The following CCDC141 variants were observed in gnomAD, a reference collection of about 807,000 sequenced individuals.
CCDC141 encodes coiled-coil domain-containing protein 141.
A neutral mutation model predicts 181.0 loss-of-function variants in CCDC141; 168 were observed. The observed-to-expected ratio is 0.93, with a 90% CI of 0.82 to 1.05. CCDC141 has a LOEUF of 1.05. Among genes scored for constraint, CCDC141 ranks in the 50% least tolerant of loss-of-function variants. The pLI is 0.00. For missense variants in CCDC141, 1,902 were observed against 1,788.5 expected, an observed-to-expected ratio of 1.06 and a Z score of -1.14; for synonymous variants, 666 against 642.3, an observed-to-expected ratio of 1.04 and a Z score of -0.56.
downstream of CCDC141, among the ~76,000 whole-genome samples, chr2:178,827,825 A>T (rs1404627954): frequency 6.6e-6 from 1 of 152,210 alleles, no homozygotes; most frequent in Non-Finnish European, 1.5e-5. Flanking sequence ...GGTGGCTTAA[A>T]ACAACAGAAA....
At chr2:179,041,566 C>T (rs1231543394) in intron 2 of CCDC141, among the ~76,000 whole-genome samples, 1 of 115,230 alleles carries the variant, frequency 8.7e-6, no homozygotes, top group African/African-American at 3.4e-5. Flanking sequence ...CCACACATAA[C>T]AATACTAACC....
chr2:179,018,039 AC>A (rs1254989472), intron 2 of CCDC141, among the ~76,000 whole-genome samples: 3 of 152,160 alleles, frequency 2.0e-5, no homozygotes, highest in Admixed American at 2.0e-4. Context: ...AAAAGACACT[AC>A]TTCCCTTTTG....
chr2:178,991,863 A>G (rs1005566299), intron 2 of CCDC141, among the ~76,000 whole-genome samples: 2 of 151,942 alleles, frequency 1.3e-5, no homozygotes, highest in African/African-American at 4.8e-5. Flanking sequence ...ATTAAGATTG[A>G]GGGCTATAAA....
At chr2:178,996,987 C>G (rs1033932578) in intron 2 of CCDC141, among the ~76,000 whole-genome samples, 1 of 152,146 alleles carries the variant, frequency 6.6e-6, no homozygotes, top group Non-Finnish European at 1.5e-5. Context: ...CTGAAGGAGA[C>G]AGGGACTCAA....
In CCDC141 at chr2:178,975,308, TTG is replaced by T. The variant is rs987016992; in HGVS notation, c.418-145_418-144del. The T allele has an allele frequency of 7.6e-6, 4 of 523,248 alleles. No individual in the cohort carries two copies. In the Admixed American group the frequency reaches 9.3e-5, roughly 12 times the overall value. The allele number at this position is 523,248 out of a possible 1,614,324, so 32.4% of individuals were successfully genotyped here. On this transcript the variant is annotated intron_variant, in intron 3 of 23. Coordinates refer to ENST00000443758, the MANE Select transcript of CCDC141 (RefSeq NM_173648.4). ...TGCAAGTGCATATGTTTGTATGTGT[TTG>T]TGTGTGTTTTGGCTTACAGTGTTTG...
At chr2:178,825,980 T>C (rs957031841), downstream of CCDC141, among the ~76,000 whole-genome samples, 4 of 152,198 alleles carry the variant, frequency 2.6e-5, no homozygotes, top group African/African-American at 9.6e-5. Flanking sequence ...TCTTGTCATA[T>C]TCACTAGTTA....
Position 178,874,473 on chromosome 2 carries a change from T to C in CCDC141, c.1900-2161A>G, listed in dbSNP as rs1050382442. 2.0e-5 allele frequency: 3 copies of C among 152,370 alleles called. 1 individual carries two copies. The South Asian group carries it at 6.2e-4, about 32-fold the overall frequency. 9.4% of individuals were successfully genotyped at this position (152,370 alleles called of 1,614,324 possible). On this transcript the variant is annotated intron_variant, in intron 12 of 23. Transcript: ENST00000443758. ...TATAGATACAAAATATAATTTGGAA[T>C]AAGTTATTGTTGCAGATCTTTAAAA...
chr2:178,990,503 T>C (rs1232963715), intron 2 of CCDC141, among the ~76,000 whole-genome samples: 1 of 136,112 alleles, frequency 7.3e-6, no homozygotes, highest in Non-Finnish European at 1.5e-5. Context: ...TGATACATAG[T>C]ACAAAAGAGA....
intron 2 of CCDC141, among the ~76,000 whole-genome samples, chr2:179,043,066 A>G (rs2043364334): frequency 6.6e-6 from 1 of 152,200 alleles, no homozygotes. Flanking sequence ...CAGAAATACA[A>G]ACAACCATCA....
chr2:178,992,629 C>A (rs940566994), intron 2 of CCDC141, among the ~76,000 whole-genome samples: 4 of 152,236 alleles, frequency 2.6e-5, no homozygotes, highest in Admixed American at 6.5e-5. Flanking sequence ...GTTTTGTGTG[C>A]CATTTCTGAG....
At chr2:178,854,002 T>C (rs1052040278) in intron 19 of CCDC141, among the ~76,000 whole-genome samples, 6 of 152,158 alleles carry the variant, frequency 3.9e-5, no homozygotes, top group Non-Finnish European at 8.8e-5. Flanking sequence ...ACATGCTAAA[T>C]GGCAAGAAAA....
chr2:178,994,005 G>A (rs1041415846), intron 2 of CCDC141, among the ~76,000 whole-genome samples: 2 of 152,164 alleles, frequency 1.3e-5, no homozygotes, highest in African/African-American at 4.8e-5. Flanking sequence ...GCTTCACAGG[G>A]TACAACCTCC....
chr2:178,875,958 T>G (rs569696694), intron 12 of CCDC141: 9 of 152,162 alleles, frequency 5.9e-5, no homozygotes, highest in African/African-American at 2.2e-4. Context: ...AAACGAAAAA[T>G]AACTTTTCTT....
At chr2:178,989,185 A>G (rs2154382151) in intron 2 of CCDC141, among the ~76,000 whole-genome samples, 1 of 152,302 alleles carries the variant, frequency 6.6e-6, no homozygotes. Flanking sequence ...TTTGTGTACA[A>G]AGGACATTAT....
chr2:179,015,065 GAGATATATATATATATATATATATATAT>G (rs1438037175), intron 2 of CCDC141, among the ~76,000 whole-genome samples: 2 of 10,976 alleles, frequency 1.8e-4, no homozygotes, highest in Admixed American at 9.4e-4. Flanking sequence ...GAGAGAGACA[GAGATATATATATATATATATATATATAT>G]ATATATATAT....
At chr2:179,032,028 T>TTAAG (rs1190927775) in intron 2 of CCDC141, among the ~76,000 whole-genome samples, 1 of 152,090 alleles carries the variant, frequency 6.6e-6, no homozygotes, top group Non-Finnish European at 1.5e-5. Flanking sequence ...ACAATATGAG[T>TTAAG]TATAGAGCTG....
At chr2:178,883,962 G>C (rs1365597929) in intron 11 of CCDC141, among the ~76,000 whole-genome samples, 1 of 152,062 alleles carries the variant, frequency 6.6e-6, no homozygotes, top group Non-Finnish European at 1.5e-5. Context: ...ACTGAACCCA[G>C]AGGCCTGTAA....
chr2:178,935,053 T>A (rs1188913716), intron 6 of CCDC141, among the ~76,000 whole-genome samples: 1 of 152,180 alleles, frequency 6.6e-6, no homozygotes, highest in East Asian at 1.9e-4. Context: ...ACACTATGGA[T>A]GGGAAAGGAA....
chr2:179,027,037 G>C (rs2042866820), intron 2 of CCDC141, among the ~76,000 whole-genome samples: 1 of 152,182 alleles, frequency 6.6e-6, no homozygotes, highest in South Asian at 2.1e-4. Context: ...GGTGTGAAGG[G>C]ACTTGCCCCA....
Sources: gnomAD v4.1 joint callset for allele counts (sites outside exome capture counted in the v4.1 genomes callset) on GRCh38, gnomAD v4.1.1 for gene constraint, MANE v1.5 for transcripts, NCBI Gene and HGNC (gene_info 2026-07-23, HGNC 2026-07-21) for gene names.